Variants in SENP1 observed in about 807,000 individuals in gnomAD.
The protein encoded by SENP1 is SUMO specific peptidase 1.
In SENP1, 21 loss-of-function variants were observed where a neutral mutation model predicts 93.0. That is an observed-to-expected ratio of 0.23 (90% confidence interval 0.16 to 0.33). The LOEUF is 0.33. Ranked by LOEUF, SENP1 falls within the 10% of genes least tolerant of loss-of-function variation. SENP1 has a pLI of 1.00. For synonymous variants in SENP1, 256 were observed against 259.6 expected (o/e 0.99, Z 0.13); for missense variants, 591 against 758.7 (o/e 0.78, Z 2.60).
chr12:48,099,362 A>G (rs1255517314), intron 2 of SENP1, among the ~76,000 whole-genome samples: 3 of 152,108 alleles, frequency 2.0e-5, no homozygotes, highest in African/African-American at 4.8e-5. Context: ...AGAAAAACAC[A>G]AACAAAAAAC....
chr12:48,101,432 A>G, intron 2 of SENP1, 37 bp downstream of exon 2: 1 of 1,553,546 alleles, frequency 6.4e-7, no homozygotes, highest in Non-Finnish European at 8.8e-7. Flanking sequence ...TAACCAATGA[A>G]AGTAGCTAAA....
At chr12:48,062,815 T>G (rs1393775741) in intron 13 of SENP1, among the ~76,000 whole-genome samples, 4 of 152,172 alleles carry the variant, frequency 2.6e-5, no homozygotes, top group Non-Finnish European at 5.9e-5. Flanking sequence ...ACATAAAACA[T>G]GAATCGTACT....
chr12:48,068,363 C>T (rs1316681547), intron 9 of SENP1, among the ~76,000 whole-genome samples: 2 of 152,144 alleles, frequency 1.3e-5, no homozygotes, highest in African/African-American at 4.8e-5. Flanking sequence ...ATACTTAGTG[C>T]TCTACATGTA....
intron 13 of SENP1, among the ~76,000 whole-genome samples, chr12:48,058,869 T>C (rs1184986251): frequency 6.6e-6 from 1 of 152,198 alleles, no homozygotes; most frequent in Admixed American, 6.5e-5. Flanking sequence ...AGTACAGCCT[T>C]ACTTTTTGAA....
At chr12:48,063,518 C>T in intron 13 of SENP1, 192 bp downstream of exon 13, 1 of 490,892 alleles carries the variant, frequency 2.0e-6, no homozygotes, top group Non-Finnish European at 3.6e-6. Context: ...CTTTAAAATA[C>T]ACCTGAGATG....
In SENP1 at chr12:48,098,123, A is replaced by G. The variant is rs1945685925; in HGVS notation, c.6T>C (p.Asp2=). The G allele has an allele frequency of 2.2e-5, 36 of 1,612,882 alleles. No homozygotes were observed. Among genetic ancestry groups the G allele is most frequent in the Non-Finnish European group, 3.0e-5 (35 of 1,179,144 alleles). The change falls in exon 3 of 18, where the codon GAT becomes GAC. Residue 2 remains aspartate, a splice_region_variant and synonymous_variant. Transcript: ENST00000549518. The part of the protein sequence containing the change: M[D]DIADRMRMDA... Reference sequence around the variant, plus strand: ...CCATCCTCATCCTATCAGCAATATCATCTGGGGAGACAGTCTGGATTAGTT... The same window carrying G: ...CCATCCTCATCCTATCAGCAATATCGTCTGGGGAGACAGTCTGGATTAGTT...
intron 2 of SENP1, among the ~76,000 whole-genome samples, chr12:48,099,998 A>T (rs759220404): frequency 3.3e-5 from 5 of 152,220 alleles, no homozygotes; most frequent in Non-Finnish European, 7.3e-5. Context: ...AACGACTTAC[A>T]CTGCTATCAG....
intron 2 of SENP1, among the ~76,000 whole-genome samples, chr12:48,100,261 C>G (rs1261394613): frequency 6.6e-6 from 1 of 152,166 alleles, no homozygotes; most frequent in Non-Finnish European, 1.5e-5. Context: ...CTCAGTAACA[C>G]TAGCTAAATG....
chr12:48,096,525 T>G, intron 3 of SENP1, 98 bp from the exon 4 acceptor site: 2 of 691,266 alleles, frequency 2.9e-6, no homozygotes. Flanking sequence ...GCACAATCTC[T>G]GCTCACTGCA....
chr12:48,101,143 G>A (rs1289676054), intron 2 of SENP1, among the ~76,000 whole-genome samples: 5 of 152,040 alleles, frequency 3.3e-5, no homozygotes, highest in Admixed American at 6.6e-5. Flanking sequence ...AAAATCAGCC[G>A]GACGTGGTGG....
chr12:48,065,129 T>C lies in SENP1; in HGVS notation c.1211A>G (p.Gln404Arg), dbSNP rs182987633. The stretch of plus-strand genomic sequence containing the variant: ...TTTATGACCTTTTTTTTGTGTTTCT[T>C]GGACAACAGTAACAGGAATCTCCTT... ...LEKEIPVTVV[Q>R]ETQKKGHKLT... Residue 404 changes from glutamine to arginine, a missense_variant, in exon 12 of 18, where the codon CAA becomes CGA. Physicochemically the swap from Gln to Arg is conservative, Grantham distance 43. Coordinates refer to ENST00000549518, the MANE Select transcript of SENP1 (RefSeq NM_001267594.2). The C allele has an allele frequency of 5.2e-4, 844 of 1,609,310 alleles. 15 individuals carry two copies. The East Asian group carries it at 0.013, about 24-fold the overall frequency.
At chr12:48,050,931 G>A (rs141359388) in intron 13 of SENP1, among the ~76,000 whole-genome samples, 1 of 152,264 alleles carries the variant, frequency 6.6e-6, no homozygotes, top group African/African-American at 2.4e-5. Flanking sequence ...GGGGCAGACA[G>A]CTTATATATT....
intron 5 of SENP1, chr12:48,088,415 G>A: frequency 5.3e-6 from 1 of 190,098 alleles, no homozygotes. Flanking sequence ...ATGCCATGAG[G>A]TAGAGAACTG....
intron 5 of SENP1, among the ~76,000 whole-genome samples, chr12:48,085,741 G>C (rs994189396): frequency 1.8e-5 from 2 of 113,236 alleles, no homozygotes; most frequent in Non-Finnish European, 3.7e-5. Flanking sequence ...AAAAAAAAAA[G>C]AATGGGGAAA....
At position 48,063,759 on chromosome 12, in the gene SENP1, G is replaced by T. The variant is rs560532172; in HGVS notation, c.1358C>A (p.Thr453Lys). 2.5e-6 allele frequency: 4 copies of T among 1,613,204 alleles called. No homozygotes were observed. Among genetic ancestry groups the T allele is most frequent in the Non-Finnish European group, 3.4e-6 (4 of 1,179,470 alleles). The change falls in exon 13 of 18, where the codon ACA becomes AAA. Residue 453 changes from threonine to lysine, a missense_variant. By Grantham distance (78) the Thr-to-Lys change is moderately conservative. This residue lies in a region of SENP1 where 238 missense variants were observed against 259.1 expected (regional missense o/e 0.92). Coordinates refer to ENST00000549518, the MANE Select transcript of SENP1 (RefSeq NM_001267594.2). ...GTTTAGAGTTTGAATATCTTTGCGTGTAATGGTCAGGCGAAATGCTTCACT... is the reference window on the plus strand; with the variant it reads ...GTTTAGAGTTTGAATATCTTTGCGTTTAATGGTCAGGCGAAATGCTTCACT... ...VLSEAFRLTI[T>K]RKDIQTLNHL... is the part of the protein sequence containing the mutation.
At chr12:48,067,700 A>G (rs1314976729) in intron 9 of SENP1, among the ~76,000 whole-genome samples, 1 of 152,186 alleles carries the variant, frequency 6.6e-6, no homozygotes, top group Non-Finnish European at 1.5e-5. Flanking sequence ...GAGGCCAGGC[A>G]TGGTGGCTCA....
At chr12:48,057,923 T>C (rs2136900499) in intron 13 of SENP1, among the ~76,000 whole-genome samples, 1 of 147,066 alleles carries the variant, frequency 6.8e-6, no homozygotes. Flanking sequence ...TAATTTCACC[T>C]GTTTCATTTT....
At position 48,088,952 on chromosome 12, in the gene SENP1, A is replaced by C; in HGVS notation, c.229T>G (p.Ser77Ala). 1 of 1,579,748 alleles carries C rather than the reference A, an allele frequency of 6.3e-7. No homozygotes were observed. The highest frequency in any genetic ancestry group is 1.2e-5 in the South Asian group (1 of 86,286). The change falls in exon 5 of 18, where the codon TCC becomes GCC. Residue 77 changes from serine (S) to alanine (A), a missense_variant. Around this residue, in one of 4 missense-constraint regions of SENP1, gnomAD observed 214 missense variants for 243.4 expected, o/e 0.88. Transcript: ENST00000549518. The part of the protein sequence containing the change: ...YNPSYYSDNP[S>A]SDSFLGSGDL... Reference sequence around the variant, plus strand: ...CCTGAGCCAAGAAAACTGTCTGAGGAAGGATTATCTAAAAAAATAAAAGTT... The same window carrying C: ...CCTGAGCCAAGAAAACTGTCTGAGGCAGGATTATCTAAAAAAATAAAAGTT...
chr12:48,097,211 GT>G (rs1945628290), intron 3 of SENP1, among the ~76,000 whole-genome samples: 1 of 152,134 alleles, frequency 6.6e-6, no homozygotes, highest in East Asian at 1.9e-4. Flanking sequence ...AATCAATCTG[GT>G]TTTGGTTCTT....
Sources: allele counts gnomAD v4.1 joint callset (sites outside exome capture counted in the v4.1 genomes callset), GRCh38; gene constraint gnomAD v4.1.1; regional missense constraint gnomAD v4.1.1; transcripts MANE v1.5; gene names NCBI Gene and HGNC (gene_info 2026-07-23, HGNC 2026-07-21).